Variants in GPATCH2 observed in about 807,000 individuals in gnomAD.
The protein encoded by GPATCH2 is G patch domain-containing protein 2.
In GPATCH2, 51 loss-of-function variants were observed where a neutral mutation model predicts 58.0. The ratio of observed to expected loss-of-function variants is 0.88; its 90% CI spans 0.70 to 1.11. GPATCH2 has a LOEUF of 1.11. Ranked by LOEUF, GPATCH2 falls within the 50% of genes most tolerant of loss-of-function variation. GPATCH2 has a pLI of 0.00. For missense variants in GPATCH2, 625 were observed against 652.2 expected, an observed-to-expected ratio of 0.96 and a Z score of 0.45; for synonymous variants, 222 against 218.5, an observed-to-expected ratio of 1.02 and a Z score of -0.14.
At chr1:217,441,186 C>G (rs1392695765) in intron 9 of GPATCH2, among the ~76,000 whole-genome samples, 1 of 152,112 alleles carries the variant, frequency 6.6e-6, no homozygotes, top group Non-Finnish European at 1.5e-5. Flanking sequence ...GAACAGAGGC[C>G]TCAGAAATAA....
Position 217,571,614 on chromosome 1 carries a change from C to T in GPATCH2, c.1098+38707G>A, listed in dbSNP as rs1372720210. Among the ~76,000 whole-genome samples, 7 of 148,934 alleles carry T rather than the reference C, an allele frequency of 4.7e-5. No homozygotes were observed. The East Asian group carries it at 1.4e-3, about 30-fold the overall frequency. On this transcript the variant is annotated intron_variant, in intron 5 of 9. Transcript: ENST00000366935. ...GAAATTAGGTGATCTACACTTGAGG[C>T]CAGTTTGAGACCAGCCTGGCCAACA...
chr1:217,528,979 T>A (rs1487417674), intron 5 of GPATCH2, among the ~76,000 whole-genome samples: 1 of 152,096 alleles, frequency 6.6e-6, no homozygotes, highest in Non-Finnish European at 1.5e-5. Context: ...GAAGTGAATG[T>A]GGTGCCAGTG....
chr1:217,461,365 T>G (rs1660190736), intron 8 of GPATCH2, among the ~76,000 whole-genome samples: 1 of 152,168 alleles, frequency 6.6e-6, no homozygotes. Context: ...AATCTCTTAC[T>G]CATGGGAGAA....
chr1:217,576,059 T>C (rs1485393982), intron 5 of GPATCH2, among the ~76,000 whole-genome samples: 1 of 152,130 alleles, frequency 6.6e-6, no homozygotes, highest in East Asian at 1.9e-4. Flanking sequence ...AAAAGGCATA[T>C]ATTAAAACAT....
intron 5 of GPATCH2, among the ~76,000 whole-genome samples, chr1:217,594,673 T>C: frequency 6.6e-6 from 1 of 152,340 alleles, no homozygotes; most frequent in East Asian, 1.9e-4. Flanking sequence ...ATTCATATCT[T>C]AATTCACTTT....
In GPATCH2 at chr1:217,430,699, G is replaced by A. The variant is rs151229393; in HGVS notation, c.*446C>T. ...AACAAAGATGTGTTCGGACTTCACT[G>A]ATGCGATGGTAGGTCTTTTGGGTTA... On this transcript the variant is annotated 3_prime_UTR_variant, in exon 10 of 10. Coordinates refer to ENST00000366935, the MANE Select transcript of GPATCH2 (RefSeq NM_018040.5). 2,735 of 166,058 alleles carry A rather than the reference G, an allele frequency of 0.016. 47 individuals carry two copies. The highest frequency in any genetic ancestry group is 0.023 in the Non-Finnish European group (1,777 of 76,988). 10.3% of individuals were successfully genotyped at this position (166,058 alleles called of 1,614,324 possible). A position where few individuals can be genotyped will look rare whatever the true frequency, so the allele number is the denominator to read the frequency against.
In GPATCH2 at chr1:217,448,670, G is replaced by A. The variant is rs931985475; in HGVS notation, c.1366+579C>T. Among the ~76,000 whole-genome samples, 8 of 152,104 alleles carry A rather than the reference G, an allele frequency of 5.3e-5. No homozygotes were observed. In the East Asian group the frequency reaches 7.7e-4, roughly 15 times the overall value. On this transcript the variant is annotated intron_variant, in intron 9 of 9. Transcript: ENST00000366935. Reference sequence around the variant, plus strand: ...GTACTTGTAGTCTTCTCAATACCACGCTCATTATTAGAATGGCATATTATT... The same window carrying A: ...GTACTTGTAGTCTTCTCAATACCACACTCATTATTAGAATGGCATATTATT...
At chr1:217,472,099 C>T (rs545074654) in intron 8 of GPATCH2, among the ~76,000 whole-genome samples, 4 of 151,936 alleles carry the variant, frequency 2.6e-5, no homozygotes, top group Non-Finnish European at 4.4e-5. Context: ...TTCAAAAAAA[C>T]GGTGCCATAT....
chr1:217,530,186 T>C (rs533149869), intron 5 of GPATCH2, among the ~76,000 whole-genome samples: 2 of 152,314 alleles, frequency 1.3e-5, no homozygotes, highest in South Asian at 4.1e-4. Context: ...GTGGATTTCA[T>C]CATTTTTTCC....
chr1:217,509,629 A>G (rs1662740300), intron 6 of GPATCH2, among the ~76,000 whole-genome samples: 1 of 152,148 alleles, frequency 6.6e-6, no homozygotes, highest in Non-Finnish European at 1.5e-5. Flanking sequence ...TCTTCTGCCA[A>G]TTATCAATTG....
intron 6 of GPATCH2, among the ~76,000 whole-genome samples, chr1:217,512,289 T>G (rs1404131787): frequency 6.6e-6 from 1 of 151,988 alleles, no homozygotes; most frequent in African/African-American, 2.4e-5. Context: ...GATTGCACCA[T>G]TGCACTCCAG....
chr1:217,479,584 CAAGA>C, intron 8 of GPATCH2, among the ~76,000 whole-genome samples: 2 of 151,516 alleles, frequency 1.3e-5, no homozygotes, highest in South Asian at 2.1e-4. Flanking sequence ...AAAAGGAAGA[CAAGA>C]AAGAAAGAAA....
intron 8 of GPATCH2, among the ~76,000 whole-genome samples, chr1:217,451,780 A>T (rs1659676251): frequency 6.6e-6 from 1 of 152,186 alleles, no homozygotes; most frequent in Non-Finnish European, 1.5e-5. Context: ...ATAAAGTGGG[A>T]ATCTGAATTC....
intron 5 of GPATCH2, among the ~76,000 whole-genome samples, chr1:217,515,453 C>T (rs963938788): frequency 1.3e-5 from 2 of 152,100 alleles, no homozygotes; most frequent in Non-Finnish European, 2.9e-5. Context: ...CAGTGGCTTA[C>T]GCCTGTAATC....
chr1:217,433,363 T>C (rs867743495), intron 9 of GPATCH2, among the ~76,000 whole-genome samples: 150 of 98,384 alleles, frequency 1.5e-3, no homozygotes, highest in Middle Eastern at 6.3e-3. Flanking sequence ...AAGCTGTTCA[T>C]ATATATATAT....
chr1:217,615,288 T>C (rs1208398040), intron 2 of GPATCH2, among the ~76,000 whole-genome samples: 2 of 152,082 alleles, frequency 1.3e-5, no homozygotes, highest in Admixed American at 6.6e-5. Flanking sequence ...TAATGAAGAA[T>C]ATAGGAATTT....
chr1:217,493,035 C>T (rs944450957), intron 7 of GPATCH2, among the ~76,000 whole-genome samples: 1 of 152,138 alleles, frequency 6.6e-6, no homozygotes, highest in Non-Finnish European at 1.5e-5. Context: ...CTTTCAGGAA[C>T]GTCTGAACTA....
chr1:217,515,454 G>A (rs545833100), intron 5 of GPATCH2, among the ~76,000 whole-genome samples: 2 of 152,212 alleles, frequency 1.3e-5, no homozygotes, highest in East Asian at 2.0e-4. Context: ...AGTGGCTTAC[G>A]CCTGTAATCC....
At chr1:217,529,891 T>C (rs1558462021) in intron 5 of GPATCH2, among the ~76,000 whole-genome samples, 1 of 152,262 alleles carries the variant, frequency 6.6e-6, no homozygotes, top group Non-Finnish European at 1.5e-5. Flanking sequence ...AGGAATTATC[T>C]TTACAAATTA....
Sources: allele counts gnomAD v4.1 joint callset (sites outside exome capture counted in the v4.1 genomes callset), GRCh38; gene constraint gnomAD v4.1.1; transcripts MANE v1.5; gene names NCBI Gene and HGNC (gene_info 2026-07-23, HGNC 2026-07-21).